The following MACROD2 variants were observed in gnomAD, a reference collection of about 807,000 sequenced individuals.
MACROD2 encodes the protein mono-ADP ribosylhydrolase 2.
A neutral mutation model predicts 70.4 loss-of-function variants in MACROD2; 36 were observed. That is an observed-to-expected ratio of 0.51 (90% CI 0.39 to 0.68). MACROD2 has a LOEUF of 0.68. MACROD2 is among the 30% of genes least tolerant of loss of function. The pLI is 0.00. For synonymous variants in MACROD2, 172 were observed against 178.8 expected (o/e 0.96, Z 0.30); for missense variants, 496 against 538.4 (o/e 0.92, Z 0.78).
intron 5 of MACROD2, among the ~76,000 whole-genome samples, chr20:14,843,163 C>CTT (rs11389584): frequency 0.12 from 14,613 of 119,136 alleles, 1,239 homozygotes; most frequent in Middle Eastern, 0.26. Context: ...TGTTCATTAA[C>CTT]TTTTTTTTTT....
At chr20:15,455,998 C>T (rs1282828508) in intron 7 of MACROD2, among the ~76,000 whole-genome samples, 2 of 152,248 alleles carry the variant, frequency 1.3e-5, no homozygotes, top group Middle Eastern at 3.4e-3. Context: ...CTGTTGACCT[C>T]ATCAAGTTTC....
chr20:15,360,029 C>G (rs1467549242), intron 6 of MACROD2, among the ~76,000 whole-genome samples: 2 of 152,146 alleles, frequency 1.3e-5, no homozygotes, highest in African/African-American at 4.8e-5. Flanking sequence ...TCTCTAACAC[C>G]TGACAATCAC....
chr20:14,834,597 C>T (rs902596139), intron 5 of MACROD2, among the ~76,000 whole-genome samples: 3 of 151,932 alleles, frequency 2.0e-5, no homozygotes, highest in Non-Finnish European at 1.5e-5. Context: ...ATTTTAAAAT[C>T]TTAAGAAGAT....
At chr20:15,348,170 TCTC>T (rs1042150808) in intron 6 of MACROD2, among the ~76,000 whole-genome samples, 1 of 152,076 alleles carries the variant, frequency 6.6e-6, no homozygotes, top group Non-Finnish European at 1.5e-5. Context: ...CCACCATGCT[TCTC>T]CTCTCCTATT....
At chr20:15,889,962 C>T (rs1351063765) in intron 10 of MACROD2, among the ~76,000 whole-genome samples, 2 of 152,020 alleles carry the variant, frequency 1.3e-5, no homozygotes, top group African/African-American at 4.8e-5. Context: ...TCCCTCAGGC[C>T]AAGAGGGAAA....
chr20:15,111,707 AAG>A (rs2075956799), intron 5 of MACROD2, among the ~76,000 whole-genome samples: 2 of 152,208 alleles, frequency 1.3e-5, no homozygotes, highest in Admixed American at 1.3e-4. Flanking sequence ...CATCACATAC[AAG>A]TATCACTGTT....
intron 8 of MACROD2, among the ~76,000 whole-genome samples, chr20:15,754,195 A>T (rs1222912073): frequency 1.3e-5 from 2 of 152,192 alleles, no homozygotes; most frequent in South Asian, 2.1e-4. Flanking sequence ...AATAGCAAAG[A>T]TGTTTTCTCT....
chr20:15,079,607 G>A (rs1279397802), intron 5 of MACROD2, among the ~76,000 whole-genome samples: 2 of 151,746 alleles, frequency 1.3e-5, no homozygotes, highest in Admixed American at 1.3e-4. Context: ...CACCTCCCTG[G>A]CATGGAGTTC....
chr20:14,634,756 G>A (rs1984694852), intron 4 of MACROD2, among the ~76,000 whole-genome samples: 1 of 152,156 alleles, frequency 6.6e-6, no homozygotes, highest in Admixed American at 6.5e-5. Context: ...GGCATAGCAT[G>A]TTTAAAAGTA....
intron 3 of MACROD2, among the ~76,000 whole-genome samples, chr20:14,093,385 C>A (rs1029411611): frequency 6.6e-6 from 1 of 152,068 alleles, no homozygotes; most frequent in Non-Finnish European, 1.5e-5. Context: ...CCTTGCCTGG[C>A]CTTTGTTTTG....
chr20:14,797,875 A>G (rs1447535081), intron 5 of MACROD2, among the ~76,000 whole-genome samples: 1 of 152,086 alleles, frequency 6.6e-6, no homozygotes, highest in Non-Finnish European at 1.5e-5. Context: ...GGATGAATGA[A>G]TGAATGAATG....
intron 5 of MACROD2, among the ~76,000 whole-genome samples, chr20:14,927,220 T>A (rs1300407902): frequency 1.3e-5 from 2 of 152,158 alleles, no homozygotes; most frequent in Non-Finnish European, 2.9e-5. Flanking sequence ...TTGTTACAGC[T>A]GATCATTGCC....
chr20:16,023,334 G>A (rs1435808019), intron 15 of MACROD2, among the ~76,000 whole-genome samples: 1 of 151,976 alleles, frequency 6.6e-6, no homozygotes, highest in East Asian at 1.9e-4. Context: ...AATTAGCCGG[G>A]CATGGTGGCG....
At chr20:15,687,348 A>G (rs902099014) in intron 8 of MACROD2, among the ~76,000 whole-genome samples, 1 of 151,964 alleles carries the variant, frequency 6.6e-6, no homozygotes, top group African/African-American at 2.4e-5. Context: ...TAAGCACGTG[A>G]TAAATGATAG....
At chr20:15,248,232 C>T (rs1163084426) in intron 6 of MACROD2, among the ~76,000 whole-genome samples, 1 of 152,148 alleles carries the variant, frequency 6.6e-6, no homozygotes, top group African/African-American at 2.4e-5. Context: ...CTTAGGGCTG[C>T]TCTCTGTGAC....
intron 2 of MACROD2, among the ~76,000 whole-genome samples, chr20:14,060,227 C>T (rs2053676723): frequency 2.0e-5 from 3 of 152,156 alleles, no homozygotes; most frequent in African/African-American, 4.8e-5. Flanking sequence ...CTGGTTCCCT[C>T]TATCTTAGTC....
intron 6 of MACROD2, among the ~76,000 whole-genome samples, chr20:15,304,481 A>G (rs560207950): frequency 2.6e-5 from 4 of 152,196 alleles, no homozygotes; most frequent in Non-Finnish European, 5.9e-5. Flanking sequence ...GATGGATGTG[A>G]GGTATGACAA....
At chr20:15,649,715 G>T (rs1323119355) in intron 8 of MACROD2, among the ~76,000 whole-genome samples, 1 of 152,142 alleles carries the variant, frequency 6.6e-6, no homozygotes. Flanking sequence ...ACAAATTAGG[G>T]TCTACTTTTT....
intron 8 of MACROD2, among the ~76,000 whole-genome samples, chr20:15,580,966 T>A (rs1436909979): frequency 1.3e-5 from 2 of 152,124 alleles, no homozygotes; most frequent in Non-Finnish European, 2.9e-5. Flanking sequence ...TCTGTGCAGG[T>A]GTGTTGACAG....
Sources: gnomAD v4.1 joint callset for allele counts (sites outside exome capture counted in the v4.1 genomes callset) on GRCh38, gnomAD v4.1.1 for gene constraint, MANE v1.5 for transcripts, NCBI Gene and HGNC (gene_info 2026-07-23, HGNC 2026-07-21) for gene names.